Variants in CARMIL1 observed in about 807,000 individuals in gnomAD.
CARMIL1 encodes capping protein regulator and myosin 1 linker 1.
A neutral mutation model predicts 177.1 loss-of-function variants in CARMIL1; 90 were observed. That is an observed-to-expected ratio of 0.51 (90% CI 0.43 to 0.61). CARMIL1 has a LOEUF of 0.61. CARMIL1 is among the 20% of genes least tolerant of loss of function. CARMIL1 has a pLI of 0.00. For missense variants in CARMIL1, 1,380 were observed against 1,667.0 expected, an observed-to-expected ratio of 0.83 and a Z score of 3.00; for synonymous variants, 577 against 606.2, an observed-to-expected ratio of 0.95 and a Z score of 0.71.
intron 2 of CARMIL1, among the ~76,000 whole-genome samples, chr6:25,403,913 A>G (rs974103178): frequency 6.6e-6 from 1 of 152,224 alleles, no homozygotes; most frequent in Admixed American, 6.5e-5. Flanking sequence ...GCTTGAAGGC[A>G]GAGCTTTATG....
At chr6:25,487,345 C>T (rs1206111520) in intron 12 of CARMIL1, among the ~76,000 whole-genome samples, 1 of 152,154 alleles carries the variant, frequency 6.6e-6, no homozygotes, top group Non-Finnish European at 1.5e-5. Flanking sequence ...CCCCTCTTCT[C>T]CATGAAGGGT....
intron 1 of CARMIL1, among the ~76,000 whole-genome samples, chr6:25,283,074 T>C (rs776584860): frequency 3.3e-5 from 5 of 152,026 alleles, no homozygotes; most frequent in Non-Finnish European, 5.9e-5. Flanking sequence ...AGGAGGACAA[T>C]AGGGAAAGGG....
At chr6:25,348,446 TA>T (rs1787768985) in intron 2 of CARMIL1, among the ~76,000 whole-genome samples, 1 of 151,884 alleles carries the variant, frequency 6.6e-6, no homozygotes, top group African/African-American at 2.4e-5. Context: ...AACGCGCTTC[TA>T]ATCTTAAACA....
In CARMIL1 at chr6:25,362,721, C is replaced by T. The variant is rs1789352658; in HGVS notation, c.139-57393C>T. ...AACCACTACACGAGCTGTAGAAAAG[C>T]CCATTTGTTTCTCTTCTAAAGTATA... On this transcript the variant is annotated intron_variant, in intron 2 of 36. Coordinates refer to ENST00000329474, the MANE Select transcript of CARMIL1 (RefSeq NM_017640.6). Among the ~76,000 whole-genome samples, 3 of 151,952 alleles carry T rather than the reference C, an allele frequency of 2.0e-5. No homozygotes were observed. In the East Asian group the frequency reaches 5.8e-4, roughly 29 times the overall value.
intron 2 of CARMIL1, among the ~76,000 whole-genome samples, chr6:25,320,798 G>A (rs1198881126): frequency 6.6e-6 from 1 of 152,156 alleles, no homozygotes; most frequent in African/African-American, 2.4e-5. Flanking sequence ...TCTAGACCAG[G>A]GGTATCCAAT....
rs1801167921 is a variant in CARMIL1 at position 25,472,417 on chromosome 6, T to G, written c.780-10T>G. The G allele has an allele frequency of 6.5e-7, 1 of 1,540,302 alleles. No homozygotes were observed. The highest frequency in any genetic ancestry group is 1.4e-5 in the African/African-American group (1 of 73,262). On this transcript the variant is annotated splice_polypyrimidine_tract_variant and intron_variant, in intron 10 of 36. Transcript: ENST00000329474. ...TTGTTATTTAATCTTATTGTTTTGT[T>G]TACACGCAGAGATTTTGCACAAAAA...
Position 25,475,214 on chromosome 6 carries a change from G to A in CARMIL1, c.874+2693G>A, listed in dbSNP as rs2150951333. Among the ~76,000 whole-genome samples the A allele has an allele frequency of 3.9e-5, 6 of 152,174 alleles. 1 individual carries two copies. Among genetic ancestry groups the A allele is most frequent in the Admixed American group, 3.9e-4 (6 of 15,274 alleles). On this transcript the variant is annotated intron_variant, in intron 11 of 36. Transcript: ENST00000329474. ...AAGTCAGGAGATCGAGACCATCCTG[G>A]CTAACACTGTGAAACCCTGTCTCTA...
rs368090869 is a variant in CARMIL1 at position 25,412,032 on chromosome 6, A to G, written c.139-8082A>G. 6.2e-4 allele frequency among the ~76,000 whole-genome samples: 95 copies of G among 152,266 alleles called. 1 individual carries two copies. In the South Asian group the frequency reaches 0.019, roughly 30 times the overall value. On this transcript the variant is annotated intron_variant, in intron 2 of 36. Coordinates refer to ENST00000329474, the MANE Select transcript of CARMIL1 (RefSeq NM_017640.6). ...AATTTGGGTAAAATAAGGTCTCTAG[A>G]GATTGTAACTTGTTCATGGTTAGGC... is the stretch of plus-strand genomic sequence containing the variant.
intron 5 of CARMIL1, among the ~76,000 whole-genome samples, chr6:25,445,362 CTT>C (rs1438032573): frequency 6.6e-6 from 1 of 152,066 alleles, no homozygotes; most frequent in Non-Finnish European, 1.5e-5. Flanking sequence ...TTGGAATCAA[CTT>C]TTTTGGAACT....
rs892292622 is a variant in CARMIL1 at position 25,580,813 on chromosome 6, C to A, written c.2743-111C>A. 6.9e-5 allele frequency: 53 copies of A among 766,764 alleles called. No individual in the cohort carries two copies. In the East Asian group the frequency reaches 1.4e-3, roughly 20 times the overall value. The allele number at this position is 766,764 out of a possible 1,614,324, so 47.5% of individuals were successfully genotyped here. ...TTAGGTTTTCAATCATCTTCTAAAGCAGAGAAACAACTACTGAGTTAAACA... is the reference window on the plus strand; with the variant it reads ...TTAGGTTTTCAATCATCTTCTAAAGAAGAGAAACAACTACTGAGTTAAACA... On this transcript the variant is annotated intron_variant, in intron 29 of 36. Coordinates refer to ENST00000329474, the MANE Select transcript of CARMIL1 (RefSeq NM_017640.6).
intron 16 of CARMIL1, 72 bp from the exon 17 acceptor site, chr6:25,500,094 C>A: frequency 1.5e-6 from 2 of 1,315,642 alleles, no homozygotes; most frequent in Non-Finnish European, 2.2e-6. Context: ...AGGCTTTATT[C>A]AGTGTGCTTG....
At chr6:25,518,233 T>C (rs1455901249) in intron 22 of CARMIL1, among the ~76,000 whole-genome samples, 1 of 152,232 alleles carries the variant, frequency 6.6e-6, no homozygotes, top group African/African-American at 2.4e-5. Flanking sequence ...TGACATGGTG[T>C]TGTGGTACAA....
At chr6:25,317,989 T>C (rs1395095892) in intron 2 of CARMIL1, among the ~76,000 whole-genome samples, 1 of 152,216 alleles carries the variant, frequency 6.6e-6, no homozygotes, top group African/African-American at 2.4e-5. Context: ...AATGCTAACC[T>C]TGTGTAGAAA....
At chr6:25,479,364 T>G (rs573735644) in intron 11 of CARMIL1, 3 of 363,606 alleles carry the variant, frequency 8.3e-6, no homozygotes, top group Non-Finnish European at 1.6e-5. Flanking sequence ...ACTATTGAGA[T>G]TATTTACTTC....
intron 9 of CARMIL1, among the ~76,000 whole-genome samples, chr6:25,468,892 G>A (rs74525527): frequency 0.08 from 12,130 of 152,202 alleles, 613 homozygotes; most frequent in East Asian, 0.17. Context: ...TTTTCCGGGT[G>A]CACTGCAAGG....
At chr6:25,461,400 A>G (rs538274062) in intron 8 of CARMIL1, among the ~76,000 whole-genome samples, 2 of 152,342 alleles carry the variant, frequency 1.3e-5, no homozygotes, top group East Asian at 1.9e-4. Flanking sequence ...GGCCACAGCA[A>G]GAACAGTCAG....
At chr6:25,434,440 TA>T (rs760532974) in intron 4 of CARMIL1, among the ~76,000 whole-genome samples, 1 of 151,844 alleles carries the variant, frequency 6.6e-6, no homozygotes, top group Non-Finnish European at 1.5e-5. Flanking sequence ...AGTCTAACAC[TA>T]AACCTAACAC....
chr6:25,453,991 C>T (rs1239114491), intron 8 of CARMIL1, among the ~76,000 whole-genome samples: 1 of 152,168 alleles, frequency 6.6e-6, no homozygotes, highest in African/African-American at 2.4e-5. Context: ...CACCAACTAA[C>T]CCACCACGTT....
chr6:25,539,308 A>T (rs1449378385), intron 25 of CARMIL1, among the ~76,000 whole-genome samples: 1 of 152,056 alleles, frequency 6.6e-6, no homozygotes, highest in East Asian at 1.9e-4. Flanking sequence ...CTCTGGGTAG[A>T]CAGTGTCAGA....
Sources: allele counts gnomAD v4.1 joint callset (sites outside exome capture counted in the v4.1 genomes callset), GRCh38; gene constraint gnomAD v4.1.1; transcripts MANE v1.5; gene names NCBI Gene and HGNC (gene_info 2026-07-23, HGNC 2026-07-21).